HCN1: variants seen among roughly 807,000 people sequenced by gnomAD.
HCN1 encodes the protein potassium/sodium hyperpolarization-activated cyclic nucleotide-gated channel 1.
Under a neutral mutation model 78.9 loss-of-function variants are expected in HCN1, and 13 were observed. The ratio of observed to expected loss-of-function variants is 0.16; its 90% CI spans 0.11 to 0.26. The LOEUF (loss-of-function observed/expected upper bound fraction) is 0.26. HCN1 is among the 10% of genes least tolerant of loss of function. The pLI, the probability that HCN1 is intolerant of heterozygous loss-of-function variation, is 1.00. For missense variants in HCN1, 810 were observed against 1,154.3 expected, an observed-to-expected ratio of 0.70 and a Z score of 4.32; for synonymous variants, 552 against 455.5, an observed-to-expected ratio of 1.21 and a Z score of -2.70.
At chr5:45,395,285 C>T (rs1421600831) in intron 4 of HCN1, among the ~76,000 whole-genome samples, 2 of 151,996 alleles carry the variant, frequency 1.3e-5, no homozygotes, top group Non-Finnish European at 2.9e-5. Flanking sequence ...TAAAATTAGC[C>T]CAAATTCCTT....
At chr5:45,287,026 AGT>A (rs1745282476) in intron 6 of HCN1, among the ~76,000 whole-genome samples, 1 of 151,668 alleles carries the variant, frequency 6.6e-6, no homozygotes, top group African/African-American at 2.4e-5. Flanking sequence ...ACTTAATTGA[AGT>A]ATGCTTAGAA....
At chr5:45,267,745 C>G (rs558803459) in intron 6 of HCN1, among the ~76,000 whole-genome samples, 1 of 151,838 alleles carries the variant, frequency 6.6e-6, no homozygotes, top group African/African-American at 2.4e-5. Context: ...TCCAGCCTGG[C>G]GACAGAGTGA....
intron 2 of HCN1, among the ~76,000 whole-genome samples, chr5:45,577,960 A>G (rs1221099573): frequency 2.6e-5 from 4 of 152,078 alleles, no homozygotes. Flanking sequence ...TTTGTATGCC[A>G]TCTGTAATTC....
intron 1 of HCN1, among the ~76,000 whole-genome samples, chr5:45,678,559 A>C (rs1580046324): frequency 6.6e-6 from 1 of 152,006 alleles, no homozygotes; most frequent in East Asian, 1.9e-4. Flanking sequence ...TTCTATTTTC[A>C]TGTGCCTCCC....
chr5:45,598,500 C>A (rs1017415791), intron 2 of HCN1, among the ~76,000 whole-genome samples: 1 of 152,024 alleles, frequency 6.6e-6, no homozygotes, highest in Non-Finnish European at 1.5e-5. Flanking sequence ...TCAGGACATA[C>A]GCATGGGCAA....
rs1393295376 is a variant in HCN1 at position 45,262,073 on chromosome 5, G to A, written c.2521C>T (p.Leu841Phe). 6.2e-7 allele frequency: 1 copy of A among 1,613,788 alleles called. No homozygotes were observed. Among genetic ancestry groups the A allele is most frequent in the South Asian group, 1.1e-5 (1 of 91,082 alleles). The change falls in exon 8 of 8, where the codon CTC (leucine) becomes TTC (phenylalanine). Residue 841 changes from leucine to phenylalanine, a missense_variant. Transcript: ENST00000303230. ...GCTCCCGACGACATCTGTCGGAAGA[G>A]GGTGACGCGCTGCGGGACAGTGCTC... ...GRSTVPQRVT[L>F]FRQMSSGAIP... is the part of the protein sequence containing the mutation.
At chr5:45,579,452 C>T (rs183507991) in intron 2 of HCN1, among the ~76,000 whole-genome samples, 321 of 152,132 alleles carry the variant, frequency 2.1e-3, no homozygotes, top group Middle Eastern at 6.8e-3. Context: ...TCTCCTTTTC[C>T]CTTTGGTCAT....
intron 5 of HCN1, among the ~76,000 whole-genome samples, chr5:45,316,650 T>G (rs1401281798): frequency 6.6e-6 from 1 of 152,178 alleles, no homozygotes; most frequent in Non-Finnish European, 1.5e-5. Context: ...GACATGACTG[T>G]ATATTTAGAA....
chr5:45,655,613 G>A (rs1449093413), intron 1 of HCN1, among the ~76,000 whole-genome samples: 2 of 152,096 alleles, frequency 1.3e-5, no homozygotes, highest in East Asian at 1.9e-4. Flanking sequence ...AAGAGAAGGG[G>A]CATAGGCTAT....
At chr5:45,375,833 T>C (rs866644546) in intron 4 of HCN1, among the ~76,000 whole-genome samples, 66 of 119,912 alleles carry the variant, frequency 5.5e-4, no homozygotes, top group African/African-American at 2.2e-3. Context: ...TTATGATATA[T>C]CTTATATATA....
chr5:45,262,528 TG>T lies in HCN1; in HGVS notation c.2065del (p.Gln689SerfsTer91). On this transcript the variant is annotated frameshift_variant, in exon 8 of 8. Transcript: ENST00000303230. LOFTEE classifies it high-confidence loss of function. ...HSPSPSTQTP[Q>X]PSAILSPCSY... ...GCAGGGTGACAGGATGGCTGATGGCTGGGGGGTCTGTGTGCTGGGACTGGGG... is the reference window on the plus strand; with the variant it reads ...GCAGGGTGACAGGATGGCTGATGGCTGGGGGTCTGTGTGCTGGGACTGGGG... The T allele has an allele frequency of 6.2e-7, 1 of 1,612,216 alleles. No homozygotes were observed. The highest frequency in any genetic ancestry group is 2.2e-5 in the East Asian group (1 of 44,722).
At position 45,396,509 on chromosome 5, in the gene HCN1, G is replaced by T; in HGVS notation, c.1213C>A (p.Arg405=). ...ALIQSLDSSR[R]QYQEKYKQVE... ...CAAATTACCTTCTCTTGATACTGCC[G>T]CCTCGAAGAATCCAGAGACTGGATT... The change falls in exon 4 of 8, where the codon CGG becomes AGG. Residue 405 remains arginine, a synonymous_variant. Coordinates refer to ENST00000303230, the MANE Select transcript of HCN1 (RefSeq NM_021072.4). The T allele has an allele frequency of 6.2e-7, 1 of 1,613,202 alleles. No individual in the cohort carries two copies. Among genetic ancestry groups the T allele is most frequent in the Non-Finnish European group, 8.5e-7 (1 of 1,179,676 alleles).
At chr5:45,308,855 T>C (rs779081537) in intron 5 of HCN1, among the ~76,000 whole-genome samples, 1 of 152,156 alleles carries the variant, frequency 6.6e-6, no homozygotes, top group African/African-American at 2.4e-5. Context: ...TTGGGCTAGT[T>C]TTTGGTTCCA....
rs540812222 is a variant in HCN1 at position 45,685,674 on chromosome 5, T to C, written c.425+9995A>G. ...TTGCGGTGAGCCAACATCGTGCCAT[T>C]GCACTCCAGCCTGGGCAAAAAGAAC... On this transcript the variant is annotated intron_variant, in intron 1 of 7. Coordinates refer to ENST00000303230, the MANE Select transcript of HCN1 (RefSeq NM_021072.4). Among the ~76,000 whole-genome samples, 44 of 151,964 alleles carry C rather than the reference T, an allele frequency of 2.9e-4. No homozygotes were observed. The South Asian group carries it at 7.5e-3, about 26-fold the overall frequency.
At chr5:45,353,356 A>T (rs1181113372) in intron 4 of HCN1, 110 bp from the exon 5 acceptor site, 1 of 821,874 alleles carries the variant, frequency 1.2e-6, no homozygotes, top group South Asian at 1.6e-5. Context: ...AGTTACAAAA[A>T]AAAAGAAATC....
intron 6 of HCN1, among the ~76,000 whole-genome samples, chr5:45,276,989 T>A (rs750368898): frequency 4.5e-4 from 68 of 152,050 alleles, no homozygotes; most frequent in Non-Finnish European, 8.7e-4. Flanking sequence ...AAGAGCAGCT[T>A]GACAGGATCA....
intron 5 of HCN1, among the ~76,000 whole-genome samples, chr5:45,346,576 G>A (rs1479253002): frequency 6.6e-6 from 1 of 152,208 alleles, no homozygotes; most frequent in Non-Finnish European, 1.5e-5. Flanking sequence ...CCTCACTCAG[G>A]AAGCGCAAGG....
At position 45,491,223 on chromosome 5, in the gene HCN1, T is replaced by C. The variant is rs998660079; in HGVS notation, c.850-29216A>G. ...AGGATATACATATTTTGGAAATAAATTTTATATTCTGTTATTCCCAGCAAC... is the reference window on the plus strand; with the variant it reads ...AGGATATACATATTTTGGAAATAAACTTTATATTCTGTTATTCCCAGCAAC... On this transcript the variant is annotated intron_variant, in intron 2 of 7. Transcript: ENST00000303230. 1.3e-5 allele frequency among the ~76,000 whole-genome samples: 2 copies of C among 152,098 alleles called. 1 individual carries two copies. The highest frequency in any genetic ancestry group is 1.3e-4 in the Admixed American group (2 of 15,248).
In HCN1 at chr5:45,396,687, ATAC is replaced by A; in HGVS notation, c.1032_1034del (p.Gln344_Tyr345delinsHis). ...TCATAGCTTTGAAGAGTGCGTATGA[ATAC>A]TGCTTTCCCCAAGAATCATTCTGCA... On this transcript the variant is annotated inframe_deletion, in exon 4 of 8. Transcript: ENST00000303230. 6.2e-7 allele frequency: 1 copy of A among 1,613,762 alleles called. No individual in the cohort carries two copies. The highest frequency in any genetic ancestry group is 8.5e-7 in the Non-Finnish European group (1 of 1,179,764).
Sources: allele counts gnomAD v4.1 joint callset (sites outside exome capture counted in the v4.1 genomes callset), GRCh38; gene constraint gnomAD v4.1.1; transcripts MANE v1.5; gene names NCBI Gene and HGNC (gene_info 2026-07-23, HGNC 2026-07-21).